Variants in GDPD4 observed in about 807,000 individuals in gnomAD.
GDPD4 encodes the protein glycerophosphodiester phosphodiesterase 6.
Under a neutral mutation model 67.8 loss-of-function variants are expected in GDPD4, and 60 were observed. The ratio of observed to expected loss-of-function variants is 0.88; its 90% CI spans 0.72 to 1.10. GDPD4 has a LOEUF of 1.10. Among genes scored for constraint, GDPD4 ranks in the 50% least tolerant of loss-of-function variants. The pLI is 0.00. For missense variants in GDPD4, 623 were observed against 613.9 expected (o/e 1.01, Z -0.16); for synonymous variants, 212 against 210.9 (o/e 1.00, Z -0.04).
chr11:77,255,376 G>A (rs1565525465), intron 11 of GDPD4, among the ~76,000 whole-genome samples: 4 of 152,102 alleles, frequency 2.6e-5, no homozygotes, highest in Admixed American at 2.6e-4. Context: ...AGGCCAGCCT[G>A]GTCAACATGG....
At chr11:77,300,364 G>C (rs1275587775) in intron 1 of GDPD4, among the ~76,000 whole-genome samples, 1 of 152,072 alleles carries the variant, frequency 6.6e-6, no homozygotes, top group Non-Finnish European at 1.5e-5. Flanking sequence ...ATATGTAAGG[G>C]TGCACCCTTC....
rs1216822560 is a variant in GDPD4, at chr11:77,245,329, G to A, written c.1038C>T (p.Val346=). The A allele has an allele frequency of 2.5e-6, 4 of 1,614,034 alleles. No individual in the cohort carries two copies. The highest frequency in any genetic ancestry group is 3.4e-6 in the Non-Finnish European group (4 of 1,180,040). Residue 346 remains valine (V), a synonymous_variant, in exon 12 of 17, where the codon GTC becomes GTT. Transcript: ENST00000315938. ...PPKHPLRHTF[V]RQVVSVILAS... The stretch of plus-strand genomic sequence containing the variant: ...CAAGGATCACGCTTACTACTTGGCG[G>A]ACAAATGTGTGTCTGAGAGGATGTT...
At chr11:77,257,629 T>C (rs572883374) in intron 11 of GDPD4, among the ~76,000 whole-genome samples, 44 of 147,728 alleles carry the variant, frequency 3.0e-4, no homozygotes, top group African/African-American at 1.0e-3. Context: ...AAACACATCA[T>C]CATTACTGCC....
intron 11 of GDPD4, among the ~76,000 whole-genome samples, chr11:77,245,987 A>C (rs1305479646): frequency 6.6e-6 from 1 of 152,104 alleles, no homozygotes; most frequent in Non-Finnish European, 1.5e-5. Flanking sequence ...CTTTCCTTTA[A>C]TCTTCCTGAA....
intron 13 of GDPD4, among the ~76,000 whole-genome samples, chr11:77,240,118 T>G (rs2135839086): frequency 9.3e-6 from 1 of 108,092 alleles, no homozygotes; most frequent in Middle Eastern, 4.1e-3. Context: ...CCAATGTAAT[T>G]TTTCACAGAA....
rs1412972540 is a variant in GDPD4 at position 77,217,011 on chromosome 11, T to C, written c.*266A>G. 2.8e-6 allele frequency: 2 copies of C among 703,194 alleles called. No homozygotes were observed. The highest frequency in any genetic ancestry group is 3.5e-5 in the African/African-American group (2 of 57,236). 43.6% of individuals were successfully genotyped at this position (703,194 alleles called of 1,614,324 possible). A position where few individuals can be genotyped will look rare whatever the true frequency, so the allele number is the denominator to read the frequency against. ...AGGGTGGGCAATGTAGTTTGAAAGG[T>C]AGCCTCACTTGTAGCCTGCCTGGTG... On this transcript the variant is annotated 3_prime_UTR_variant, in exon 17 of 17. Coordinates refer to ENST00000315938, the MANE Select transcript of GDPD4 (RefSeq NM_182833.3).
In GDPD4 at chr11:77,265,123, C is replaced by T. The variant is rs114910314; in HGVS notation, c.707+3334G>A. Reference sequence around the variant, plus strand: ...TCTATAGCTCAGGAAACTATACAAGCTTCAATCATCTGGCCTTTTCCTTGA... The same window carrying T: ...TCTATAGCTCAGGAAACTATACAAGTTTCAATCATCTGGCCTTTTCCTTGA... On this transcript the variant is annotated intron_variant, in intron 10 of 16. Coordinates refer to ENST00000315938, the MANE Select transcript of GDPD4 (RefSeq NM_182833.3). Among the ~76,000 whole-genome samples, 506 of 152,246 alleles carry T rather than the reference C, an allele frequency of 3.3e-3. 5 individuals are homozygous for T. The highest frequency in any genetic ancestry group is 0.011 in the African/African-American group (469 of 41,556).
intron 10 of GDPD4, among the ~76,000 whole-genome samples, chr11:77,261,729 C>T (rs189978923): frequency 1.3e-5 from 2 of 152,294 alleles, no homozygotes; most frequent in African/African-American, 4.8e-5. Context: ...TACGGGGATC[C>T]TTTGCCACTC....
At chr11:77,279,896 G>T (rs1032837932) in intron 3 of GDPD4, among the ~76,000 whole-genome samples, 1 of 151,954 alleles carries the variant, frequency 6.6e-6, no homozygotes, top group African/African-American at 2.4e-5. Context: ...TTTGTTAGGA[G>T]AAACAATGTT....
rs974342215 is a variant in GDPD4 at position 77,290,257 on chromosome 11, C to T, written c.-253-2837G>A. Among the ~76,000 whole-genome samples, 9 of 152,126 alleles carry T rather than the reference C, an allele frequency of 5.9e-5. No individual in the cohort carries two copies. The East Asian group carries it at 1.7e-3, about 29-fold the overall frequency. On this transcript the variant is annotated intron_variant, in intron 1 of 16. Coordinates refer to ENST00000315938, the MANE Select transcript of GDPD4 (RefSeq NM_182833.3). ...AGGATGGCCTGAAAGAAAACAAAGACCAAATGGACCTAACAGATATATACA... is the reference window on the plus strand; with the variant it reads ...AGGATGGCCTGAAAGAAAACAAAGATCAAATGGACCTAACAGATATATACA...
chr11:77,256,066 T>A (rs1022559358), intron 11 of GDPD4, among the ~76,000 whole-genome samples: 3 of 152,196 alleles, frequency 2.0e-5, no homozygotes, highest in African/African-American at 7.2e-5. Flanking sequence ...TAAGTTCCAA[T>A]AACGACCAAG....
chr11:77,298,549 A>C (rs528576782), intron 1 of GDPD4, among the ~76,000 whole-genome samples: 1 of 152,336 alleles, frequency 6.6e-6, no homozygotes, highest in Non-Finnish European at 1.5e-5. Context: ...GAGTTTGTCT[A>C]AAGACCTGGG....
chr11:77,267,616 T>C (rs557183683), intron 10 of GDPD4, among the ~76,000 whole-genome samples: 137 of 152,340 alleles, frequency 9.0e-4, no homozygotes, highest in African/African-American at 3.2e-3. Context: ...TATCTACACA[T>C]GTATTTCGTC....
At chr11:77,266,732 G>A (rs1315145368) in intron 10 of GDPD4, among the ~76,000 whole-genome samples, 1 of 151,938 alleles carries the variant, frequency 6.6e-6, no homozygotes, top group Non-Finnish European at 1.5e-5. Flanking sequence ...TTGTTTCTTA[G>A]TTTCTAACAA....
intron 11 of GDPD4, among the ~76,000 whole-genome samples, chr11:77,253,470 G>A (rs991672393): frequency 6.6e-6 from 1 of 152,166 alleles, no homozygotes; most frequent in Non-Finnish European, 1.5e-5. Context: ...CCATTCCTTA[G>A]GGATGGCACT....
At chr11:77,251,821 T>A (rs561210237) in intron 11 of GDPD4, among the ~76,000 whole-genome samples, 1 of 152,308 alleles carries the variant, frequency 6.6e-6, no homozygotes, top group East Asian at 1.9e-4. Context: ...CTCAGGAACA[T>A]CTACAATATG....
At chr11:77,240,208 C>CT (rs1252079102) in intron 13 of GDPD4, among the ~76,000 whole-genome samples, 6 of 151,848 alleles carry the variant, frequency 4.0e-5, no homozygotes, top group Non-Finnish European at 8.8e-5. Context: ...AAGAACAAGG[C>CT]TGGACACATC....
intron 11 of GDPD4, 90 bp downstream of exon 11, chr11:77,258,296 T>G: frequency 5.7e-6 from 7 of 1,227,464 alleles, no homozygotes; most frequent in African/African-American, 1.5e-5. Flanking sequence ...TACTTGCCTA[T>G]CTTCATCTAT....
intron 16 of GDPD4, among the ~76,000 whole-genome samples, chr11:77,218,279 T>C (rs948139019): frequency 6.6e-6 from 1 of 152,226 alleles, no homozygotes; most frequent in Non-Finnish European, 1.5e-5. Context: ...ATCATATGCC[T>C]TCCCTTGTGA....
Sources: allele counts gnomAD v4.1 joint callset (sites outside exome capture counted in the v4.1 genomes callset), GRCh38; gene constraint gnomAD v4.1.1; transcripts MANE v1.5; gene names NCBI Gene and HGNC (gene_info 2026-07-23, HGNC 2026-07-21).